PTPRD: variants seen among roughly 807,000 people sequenced by gnomAD.
The protein encoded by PTPRD is protein tyrosine phosphatase receptor type D, also known as receptor-type tyrosine-protein phosphatase delta.
Under a neutral mutation model 214.5 loss-of-function variants are expected in PTPRD, and 34 were observed. The ratio of observed to expected loss-of-function variants is 0.16; its 90% CI spans 0.12 to 0.21. PTPRD has a LOEUF of 0.21. PTPRD is among the 10% of genes least tolerant of loss of function. The pLI is 1.00. For missense variants in PTPRD, 2,545 were observed against 2,398.7 expected (o/e 1.06, Z -1.27); for synonymous variants, 1,128 against 845.7 (o/e 1.33, Z -5.79).
intron 11 of PTPRD, among the ~76,000 whole-genome samples, chr9:8,851,404 A>T (rs138850797): frequency 4.5e-4 from 69 of 152,356 alleles, no homozygotes; most frequent in Middle Eastern, 3.4e-3. Context: ...TAAGATAAAC[A>T]ACATACCGTG....
chr9:10,133,999 T>C (rs961862254), intron 3 of PTPRD, among the ~76,000 whole-genome samples: 2 of 152,120 alleles, frequency 1.3e-5, no homozygotes, highest in Admixed American at 6.6e-5. Context: ...GTATGTAAAA[T>C]GGGAATATTT....
chr9:8,956,534 C>T (rs4526401), intron 11 of PTPRD, among the ~76,000 whole-genome samples: 133,025 of 151,718 alleles, frequency 0.88, 58,882 homozygotes, highest in Non-Finnish European at 0.94. Flanking sequence ...GTTTAGAATA[C>T]AGACGTGACT....
At chr9:10,291,444 G>A (rs1432901899) in intron 3 of PTPRD, among the ~76,000 whole-genome samples, 1 of 152,114 alleles carries the variant, frequency 6.6e-6, no homozygotes, top group Admixed American at 6.6e-5. Context: ...ATGGGAAGAT[G>A]AGCGGAGATT....
intron 4 of PTPRD, among the ~76,000 whole-genome samples, chr9:10,017,308 T>A (rs539454940): frequency 6.6e-6 from 1 of 152,280 alleles, no homozygotes; most frequent in East Asian, 1.9e-4. Flanking sequence ...TTTTTATCAA[T>A]GTTCAGGAGT....
At chr9:9,157,376 A>C (rs1242954476) in intron 10 of PTPRD, among the ~76,000 whole-genome samples, 1 of 152,036 alleles carries the variant, frequency 6.6e-6, no homozygotes, top group Non-Finnish European at 1.5e-5. Flanking sequence ...AAATCAATAA[A>C]CTCTTAGATT....
intron 12 of PTPRD, among the ~76,000 whole-genome samples, chr9:8,715,554 T>A (rs1255207034): frequency 3.3e-5 from 5 of 152,210 alleles, no homozygotes; most frequent in South Asian, 2.1e-4. Context: ...GGATTTGAAC[T>A]CAGATCATTT....
chr9:9,363,450 T>C (rs528196567), intron 9 of PTPRD, among the ~76,000 whole-genome samples: 61 of 151,522 alleles, frequency 4.0e-4, no homozygotes, highest in African/African-American at 1.0e-3. Context: ...AAATTAACTA[T>C]ATTTTGCTAT....
chr9:9,960,671 CAG>C (rs1587410063), intron 4 of PTPRD, among the ~76,000 whole-genome samples: 1 of 152,076 alleles, frequency 6.6e-6, no homozygotes, highest in East Asian at 1.9e-4. Context: ...CAAATTCTAA[CAG>C]AGGGGCATCC....
intron 5 of PTPRD, among the ~76,000 whole-genome samples, chr9:9,866,129 G>A (rs944366105): frequency 1.3e-5 from 2 of 152,002 alleles, no homozygotes; most frequent in Admixed American, 1.3e-4. Flanking sequence ...TTAATATCTA[G>A]TTAAGGTTAT....
chr9:8,558,235 A>G (rs1344297589), intron 14 of PTPRD, among the ~76,000 whole-genome samples: 1 of 152,218 alleles, frequency 6.6e-6, no homozygotes, highest in African/African-American at 2.4e-5. Context: ...CCTTATGCAA[A>G]CGGAGACAAC....
At chr9:9,792,435 CT>C (rs1249709400) in intron 5 of PTPRD, among the ~76,000 whole-genome samples, 1 of 152,086 alleles carries the variant, frequency 6.6e-6, no homozygotes, top group East Asian at 1.9e-4. Context: ...TTATAGCACT[CT>C]TTTTTTGTAC....
intron 5 of PTPRD, among the ~76,000 whole-genome samples, chr9:9,919,804 T>C (rs1285026726): frequency 2.0e-5 from 3 of 152,158 alleles, no homozygotes; most frequent in Non-Finnish European, 4.4e-5. Context: ...TCTTCGTTAC[T>C]GCAGCATTTG....
At position 9,750,945 on chromosome 9, in the gene PTPRD, C is replaced by A. The variant is rs778031862; in HGVS notation, c.-326+15865G>T. The stretch of plus-strand genomic sequence containing the variant: ...TGAGCAGCCAGTTGGCTTCACATGT[C>A]GCAATCATTAAAGTGCATTAAATCA... On this transcript the variant is annotated intron_variant, in intron 6 of 45. Transcript: ENST00000381196. 2.0e-5 allele frequency among the ~76,000 whole-genome samples: 3 copies of A among 152,018 alleles called. No individual in the cohort carries two copies. In the East Asian group the frequency reaches 5.8e-4, roughly 29 times the overall value.
At chr9:10,039,425 G>C (rs1378944685) in intron 3 of PTPRD, among the ~76,000 whole-genome samples, 1 of 151,810 alleles carries the variant, frequency 6.6e-6, no homozygotes, top group East Asian at 1.9e-4. Context: ...CAAAATGTAA[G>C]GTATATAAAT....
At chr9:9,551,114 A>C (rs1244390813) in intron 8 of PTPRD, among the ~76,000 whole-genome samples, 2 of 151,942 alleles carry the variant, frequency 1.3e-5, no homozygotes, top group Non-Finnish European at 2.9e-5. Context: ...TATTCTTGAA[A>C]AATAAGAACT....
Position 8,464,156 on chromosome 9 carries a change from C to A in PTPRD, c.3714+1310G>T, listed in dbSNP as rs536694630. Among the ~76,000 whole-genome samples the A allele has an allele frequency of 7.2e-5, 11 of 152,046 alleles. No homozygotes were observed. In the South Asian group the frequency reaches 2.3e-3, roughly 32 times the overall value. On this transcript the variant is annotated intron_variant, in intron 32 of 45. Coordinates refer to ENST00000381196, the MANE Select transcript of PTPRD (RefSeq NM_002839.4). ...ACAGTGTGTAGTTCAGTGGTTCAGT[C>A]TGCAGGATCGAATGAGATTTCTCTT...
chr9:8,486,105 C>T lies in PTPRD; in HGVS notation c.2712G>A (p.Gly904=), dbSNP rs1407741817. The change falls in exon 28 of 46, where the codon GGG becomes GGA. Residue 904 remains glycine (G), a synonymous_variant. Transcript: ENST00000381196. The part of the protein sequence containing the change: ...RLSARNKVGF[G]EEMVKEISIP... ...TGGAAATCTCCTTCACCATCTCCTC[C>T]CCAAAGCCCACTTTGTTTCTGGCTG... 1.9e-6 allele frequency: 3 copies of T among 1,614,026 alleles called. No individual in the cohort carries two copies. Among genetic ancestry groups the T allele is most frequent in the Non-Finnish European group, 1.7e-6 (2 of 1,180,022 alleles).
At chr9:8,441,332 G>C (rs1590566096) in intron 34 of PTPRD, among the ~76,000 whole-genome samples, 1 of 152,016 alleles carries the variant, frequency 6.6e-6, no homozygotes, top group Non-Finnish European at 1.5e-5. Flanking sequence ...TTCTGAAAAG[G>C]GTGAAATTAT....
intron 7 of PTPRD, among the ~76,000 whole-genome samples, chr9:9,707,967 C>A (rs1417786713): frequency 6.6e-6 from 1 of 151,850 alleles, no homozygotes; most frequent in Non-Finnish European, 1.5e-5. Context: ...AATCTGATCA[C>A]CCTTTAATGT....
Sources: gnomAD v4.1 joint callset for allele counts (sites outside exome capture counted in the v4.1 genomes callset) on GRCh38, gnomAD v4.1.1 for gene constraint, MANE v1.5 for transcripts, NCBI Gene and HGNC (gene_info 2026-07-23, HGNC 2026-07-21) for gene names.